Variants in APOM observed in about 807,000 individuals in gnomAD.
APOM encodes the protein apolipoprotein M.
In APOM, 24 loss-of-function variants were observed where a neutral mutation model predicts 23.5. The observed-to-expected ratio is 1.02, with a 90% CI of 0.74 to 1.44. The LOEUF is 1.44. APOM is among the 40% of genes most tolerant of loss of function. The probability of loss-of-function intolerance (pLI) is 0.00; values close to 1 mark genes in which losing one functional copy is unlikely to be tolerated. For synonymous variants in APOM, 82 were observed against 84.1 expected (o/e 0.97, Z 0.14); for missense variants, 200 against 233.2 (o/e 0.86, Z 0.93).
At position 31,656,622 on chromosome 6, in the gene APOM, C is replaced by T. The variant is rs757329357; in HGVS notation, c.265C>T (p.Arg89Cys). The T allele has an allele frequency of 1.3e-5, 21 of 1,613,492 alleles. No individual in the cohort carries two copies. Among genetic ancestry groups the T allele is most frequent in the Non-Finnish European group, 1.8e-5 (21 of 1,179,800 alleles). ...GCAGCTCCACCTTCGTGCTACCATC[C>T]GCATGTGAGTGGTAAGGAGGCAGAA... ...PMQLHLRATIRMKDGLCVPRK... is the reference protein window; with the variant it reads ...PMQLHLRATICMKDGLCVPRK... Residue 89 changes from arginine (R) to cysteine (C), a missense_variant, in exon 2 of 6, where the codon CGC (arginine) becomes TGC (cysteine). Arg to Cys is a radical substitution (Grantham distance 180). Coordinates refer to ENST00000375916, the MANE Select transcript of APOM (RefSeq NM_019101.3).
chr6:31,658,151 G>C lies in APOM; in HGVS notation c.*62G>C, dbSNP rs992659555. 8.3e-6 allele frequency: 13 copies of C among 1,562,158 alleles called. No homozygotes were observed. Among genetic ancestry groups the C allele is most frequent in the Non-Finnish European group, 1.1e-5 (13 of 1,133,310 alleles). On this transcript the variant is annotated 3_prime_UTR_variant, in exon 6 of 6. Transcript: ENST00000375916. ...GGGAGCTGAGTTGTTGGAGGGAGAA[G>C]CTGGAGACTTCCAGCTCCAGCTCCC...
upstream of APOM, chr6:31,655,775 C>T (rs1020471701): frequency 4.0e-5 from 23 of 568,650 alleles, no homozygotes; most frequent in Non-Finnish European, 6.6e-5. Context: ...TGGTTGCATC[C>T]GGAAGAGGGG....
intron 2 of APOM, 58 bp from the exon 3 acceptor site, chr6:31,657,167 G>A (rs1800183293): frequency 6.6e-7 from 1 of 1,520,262 alleles, no homozygotes; most frequent in African/African-American, 1.4e-5. Flanking sequence ...AAAGAAGCTG[G>A]GACACTATGG....
At position 31,658,061 on chromosome 6, in the gene APOM, C is replaced by T; in HGVS notation, c.542-3C>T. 1 of 1,614,136 alleles carries T rather than the reference C, an allele frequency of 6.2e-7. No homozygotes were observed. Among genetic ancestry groups the T allele is most frequent in the East Asian group, 2.2e-5 (1 of 44,876 alleles). ...TCCTTCTTTTTCCCTCCCCCCATCA[C>T]AGAGGCCTGTGAGCTGTCCAATAAC... On this transcript the variant is annotated splice_polypyrimidine_tract_variant and splice_region_variant and intron_variant, in intron 5 of 5. Coordinates refer to ENST00000375916, the MANE Select transcript of APOM (RefSeq NM_019101.3).
At chr6:31,654,237 T>A (rs943271612), upstream of APOM, among the ~76,000 whole-genome samples, 1 of 110,396 alleles carries the variant, frequency 9.1e-6, no homozygotes, top group African/African-American at 4.0e-5. Context: ...AGAACGAGAC[T>A]CCCATCTCAA....
In APOM at chr6:31,657,449, G is replaced by A; in HGVS notation, c.413G>A (p.Gly138Asp). The change falls in exon 4 of 6, where the codon GGC becomes GAC. Residue 138 changes from glycine to aspartate, a missense_variant. Coordinates refer to ENST00000375916, the MANE Select transcript of APOM (RefSeq NM_019101.3). ...CPGGIMLNETGQGYQRFLLYN... is the reference protein window; with the variant it reads ...CPGGIMLNETDQGYQRFLLYN... ...GGTGGAATCATGCTGAATGAGACAG[G>A]CCAGGGTTACCAGCGCTTTCTCCTC... The A allele has an allele frequency of 6.2e-7, 1 of 1,612,860 alleles. No individual in the cohort carries two copies. The highest frequency in any genetic ancestry group is 8.5e-7 in the Non-Finnish European group (1 of 1,180,020).
chr6:31,654,038 A>T (rs1799588235), upstream of APOM, among the ~76,000 whole-genome samples: 1 of 152,008 alleles, frequency 6.6e-6, no homozygotes, highest in African/African-American at 2.4e-5. Flanking sequence ...CGAGGTCAGG[A>T]GTTCAAGACC....
Position 31,658,180 on chromosome 6 carries a change from C to A in APOM, c.*91C>A. 9 of 1,416,944 alleles carry A rather than the reference C, an allele frequency of 6.4e-6. No homozygotes were observed. The highest frequency in any genetic ancestry group is 7.0e-6 in the Non-Finnish European group (7 of 1,001,938). The allele number at this position is 1,416,944 out of a possible 1,614,324, so 87.8% of individuals were successfully genotyped here. On this transcript the variant is annotated 3_prime_UTR_variant, in exon 6 of 6. Coordinates refer to ENST00000375916, the MANE Select transcript of APOM (RefSeq NM_019101.3). ...GAGACTTCCAGCTCCAGCTCCCACTCAAGATAATAAAGATAATTTTTCAAT... is the reference window on the plus strand; with the variant it reads ...GAGACTTCCAGCTCCAGCTCCCACTAAAGATAATAAAGATAATTTTTCAAT...
intron 5 of APOM, 74 bp downstream of exon 5, chr6:31,657,797 C>T (rs1247700020): frequency 6.0e-6 from 8 of 1,331,162 alleles, no homozygotes; most frequent in East Asian, 2.3e-5. Context: ...GAAAGAGGCT[C>T]GTGTGATGTC....
rs552461480 is a variant in APOM, at chr6:31,657,440, A to T, written c.404A>T (p.Asn135Ile). ...SSSCPGGIML[N>I]ETGQGYQRFL... ...TCATGCCCAGGTGGAATCATGCTGA[A>T]TGAGACAGGCCAGGGTTACCAGCGC... Residue 135 changes from asparagine (N) to isoleucine (I), a missense_variant, in exon 4 of 6, where the codon AAT becomes ATT. Transcript: ENST00000375916. 25 of 1,612,992 alleles carry T rather than the reference A, an allele frequency of 1.5e-5. No homozygotes were observed. In the East Asian group the frequency reaches 5.6e-4, roughly 36 times the overall value.
chr6:31,656,693 C>G, intron 2 of APOM, 67 bp downstream of exon 2: 1 of 1,565,590 alleles, frequency 6.4e-7, no homozygotes, highest in Non-Finnish European at 8.7e-7. Context: ...AATCCACCCA[C>G]CAAGAGCTGG....
chr6:31,658,041 CT>C (rs745781412), intron 5 of APOM, 22 bp from the exon 6 acceptor site: 1 of 1,614,052 alleles, frequency 6.2e-7, no homozygotes, highest in Non-Finnish European at 8.5e-7. Flanking sequence ...TTCTGTCCTT[CT>C]TTTTCCCTCC....
chr6:31,653,290 T>C (rs1216822430), upstream of APOM, among the ~76,000 whole-genome samples: 1 of 152,118 alleles, frequency 6.6e-6, no homozygotes, highest in Non-Finnish European at 1.5e-5. Flanking sequence ...CCAGCGTGCT[T>C]CCGAAGGCCG....
At chr6:31,654,786 T>C (rs1193665142), upstream of APOM, among the ~76,000 whole-genome samples, 1 of 152,234 alleles carries the variant, frequency 6.6e-6, no homozygotes, top group African/African-American at 2.4e-5. Context: ...AACTAAGTGC[T>C]TTGCAAACAT....
At chr6:31,656,680 G>GA (rs1450905163) in intron 2 of APOM, 54 bp downstream of exon 2, 12 of 1,584,458 alleles carry the variant, frequency 7.6e-6, no homozygotes, top group Non-Finnish European at 1.0e-5. Flanking sequence ...CCCAAAGTGT[G>GA]AGAATCCACC....
upstream of APOM, chr6:31,655,857 G>A (rs1799983092): frequency 1.5e-6 from 1 of 689,298 alleles, no homozygotes. Flanking sequence ...ATTAGCAGGT[G>A]AAAGGGTCAA....
rs775069248 is a variant in APOM, at chr6:31,657,410, C to G, written c.374C>G (p.Ser125Cys). ...CCTGACATGAAGACTGAGCTCTTTT[C>G]CAGCTCATGCCCAGGTGGAATCATG... ...GRPDMKTELF[S>C]SSCPGGIMLN... Residue 125 changes from serine (S) to cysteine (C), a missense_variant, in exon 4 of 6, where the codon TCC becomes TGC. Coordinates refer to ENST00000375916, the MANE Select transcript of APOM (RefSeq NM_019101.3). 1 of 1,613,078 alleles carries G rather than the reference C, an allele frequency of 6.2e-7. No individual in the cohort carries two copies. The highest frequency in any genetic ancestry group is 8.5e-7 in the Non-Finnish European group (1 of 1,180,036).
At position 31,656,488 on chromosome 6, in the gene APOM, TG is replaced by T. The variant is rs1201536078; in HGVS notation, c.134del (p.Gly45AlafsTer46). ...TCTCTCCAGTTCCCAGAGGTCCACTTGGGCCAGTGGTACTTTATCGCAGGGG... is the reference window on the plus strand; with the variant it reads ...TCTCTCCAGTTCCCAGAGGTCCACTTGGCCAGTGGTACTTTATCGCAGGGG... ...VDGKEFPEVH[L>X]GQWYFIAGAA... On this transcript the variant is annotated frameshift_variant, in exon 2 of 6. Coordinates refer to ENST00000375916, the MANE Select transcript of APOM (RefSeq NM_019101.3). LOFTEE classifies it high-confidence loss of function. 6.2e-7 allele frequency: 1 copy of T among 1,614,070 alleles called. No individual in the cohort carries two copies. Among genetic ancestry groups the T allele is most frequent in the Non-Finnish European group, 8.5e-7 (1 of 1,179,976 alleles).
At position 31,656,563 on chromosome 6, in the gene APOM, T is replaced by C. The variant is rs147935500; in HGVS notation, c.206T>C (p.Ile69Thr). The change falls in exon 2 of 6, where the codon ATT becomes ACT. Residue 69 changes from isoleucine to threonine, a missense_variant. Physicochemically the swap from Ile to Thr is moderately conservative, Grantham distance 89. Coordinates refer to ENST00000375916, the MANE Select transcript of APOM (RefSeq NM_019101.3). Reference protein sequence around the residue: ...ELATFDPVDNIVFNMAAGSAP... With the variant: ...ELATFDPVDNTVFNMAAGSAP... Reference sequence around the variant, plus strand: ...GCAACTTTTGACCCTGTGGACAACATTGTCTTCAATATGGCTGCTGGCTCT... The same window carrying C: ...GCAACTTTTGACCCTGTGGACAACACTGTCTTCAATATGGCTGCTGGCTCT... 17 of 1,613,988 alleles carry C rather than the reference T, an allele frequency of 1.1e-5. No homozygotes were observed. In the African/African-American group the frequency reaches 1.2e-4, roughly 11 times the overall value.
Sources: gnomAD v4.1 joint callset for allele counts (sites outside exome capture counted in the v4.1 genomes callset) on GRCh38, gnomAD v4.1.1 for gene constraint, MANE v1.5 for transcripts, NCBI Gene and HGNC (gene_info 2026-07-23, HGNC 2026-07-21) for gene names.